ABCF2: variants seen among roughly 807,000 people sequenced by gnomAD.
ABCF2 encodes ATP-binding cassette sub-family F member 2.
ABCF2 carries 37 observed loss-of-function variants against 76.9 expected under a neutral mutation model. The ratio of observed to expected loss-of-function variants is 0.48; its 90% CI spans 0.37 to 0.63. The LOEUF (loss-of-function observed/expected upper bound fraction) is 0.63. Among genes scored for constraint, ABCF2 ranks in the 30% least tolerant of loss-of-function variants. The probability of loss-of-function intolerance (pLI) is 0.00; values close to 1 mark genes in which losing one functional copy is unlikely to be tolerated. For synonymous variants in ABCF2, 299 were observed against 283.7 expected, an observed-to-expected ratio of 1.05 and a Z score of -0.54; for missense variants, 524 against 782.1, an observed-to-expected ratio of 0.67 and a Z score of 3.94.
chr7:151,218,302 T>G (rs544414717), intron 10 of ABCF2, 111 bp from the exon 11 acceptor site: 293 of 817,118 alleles, frequency 3.6e-4, no homozygotes, highest in Middle Eastern at 1.5e-3. Flanking sequence ...GAAGGGAGAG[T>G]AGCGGGAGGA....
chr7:151,213,834 G>C lies in ABCF2; in HGVS notation c.*220C>G. 1 of 1,388,658 alleles carries C rather than the reference G, an allele frequency of 7.2e-7. No individual in the cohort carries two copies. The highest frequency in any genetic ancestry group is 9.3e-7 in the Non-Finnish European group (1 of 1,076,652). 86.0% of individuals were successfully genotyped at this position (1,388,658 alleles called of 1,614,324 possible). ...GGAACGGCCAGCCGAGTCCAGACAT[G>C]GACAGATGTAACTGGAAGGAGGACA... On this transcript the variant is annotated 3_prime_UTR_variant, in exon 15 of 15. Coordinates refer to ENST00000287844, the MANE Select transcript of ABCF2 (RefSeq NM_007189.3).
Position 151,213,365 on chromosome 7 carries a change from G to A in ABCF2, c.*689C>T, listed in dbSNP as rs1243896268. 1 of 985,360 alleles carries A rather than the reference G, an allele frequency of 1.0e-6. No homozygotes were observed. The highest frequency in any genetic ancestry group is 1.2e-6 in the Non-Finnish European group (1 of 829,922). 61.0% of individuals were successfully genotyped at this position (985,360 alleles called of 1,614,324 possible). A position where few individuals can be genotyped will look rare whatever the true frequency, so the allele number is the denominator to read the frequency against. On this transcript the variant is annotated 3_prime_UTR_variant, in exon 15 of 15. Transcript: ENST00000287844. ...GTACAATTTCAAATCAGAAGTAAAGGGACAAAGTTCTTCCAGCTCCTATGG... is the reference window on the plus strand; with the variant it reads ...GTACAATTTCAAATCAGAAGTAAAGAGACAAAGTTCTTCCAGCTCCTATGG...
chr7:151,215,973 G>A lies in ABCF2; in HGVS notation c.1395C>T (p.Tyr465=), dbSNP rs1802142865. Residue 465 remains tyrosine, a synonymous_variant, in exon 12 of 15, where the codon TAC becomes TAT. Coordinates refer to ENST00000287844, the MANE Select transcript of ABCF2 (RefSeq NM_007189.3). This position sits in a 1 kb window ranked among gnomAD's most constrained non-coding sequence, Gnocchi z 4.6. ...RKHSHVKIGR[Y]HQHLQEQLDL... ...CCCAACCCCAGGCCTGTACCTGATG[G>A]TAACGCCCTATCTTGACATGAGAGT... 6.2e-7 allele frequency: 1 copy of A among 1,614,144 alleles called. No individual in the cohort carries two copies. The highest frequency in any genetic ancestry group is 1.3e-5 in the African/African-American group (1 of 75,046).
rs767247986 is a variant in ABCF2 at position 151,214,037 on chromosome 7, G to C, written c.*17C>G. The C allele has an allele frequency of 6.2e-7, 1 of 1,611,812 alleles. No homozygotes were observed. On this transcript the variant is annotated 3_prime_UTR_variant, in exon 15 of 15. Transcript: ENST00000287844. This position sits in a 1 kb window ranked among gnomAD's most constrained non-coding sequence, Gnocchi z 4.9. ...AGTTCCCAGATGGAGCTCCTGACCCGAACCCAGGTAGAGGGCTCACACGTT... is the reference window on the plus strand; with the variant it reads ...AGTTCCCAGATGGAGCTCCTGACCCCAACCCAGGTAGAGGGCTCACACGTT...
intron 10 of ABCF2, 35 bp downstream of exon 10, chr7:151,218,526 A>G: frequency 6.3e-7 from 1 of 1,575,260 alleles, no homozygotes. Context: ...ACCCTAAGAT[A>G]CACCCCAGCC....
At chr7:151,219,269 C>G in intron 7 of ABCF2, 110 bp from the exon 8 acceptor site, 1 of 890,850 alleles carries the variant, frequency 1.1e-6, no homozygotes, top group Non-Finnish European at 1.9e-6. Flanking sequence ...GGCCCTGGCT[C>G]TAAGGCTGTG....
At chr7:151,216,308 C>T (rs147408154) in intron 11 of ABCF2, among the ~76,000 whole-genome samples, 2,730 of 152,270 alleles carry the variant, frequency 0.018, 40 homozygotes, top group Admixed American at 0.034. Flanking sequence ...GATGTAGGTG[C>T]AACATACATT....
At chr7:151,221,892 C>T in intron 6 of ABCF2, 1 of 504,850 alleles carries the variant, frequency 2.0e-6, no homozygotes, top group South Asian at 2.2e-5. Flanking sequence ...GCCTGAGTTT[C>T]CTCAATCTTC....
chr7:151,213,898 T>G lies in ABCF2; in HGVS notation c.*156A>C, dbSNP rs1307336055. ...TACTGTCCAGCTGTAGGTAAGAGAG[T>G]GCAGCTAAGGCAGGTTGAGGGGCAG... On this transcript the variant is annotated 3_prime_UTR_variant, in exon 15 of 15. Coordinates refer to ENST00000287844, the MANE Select transcript of ABCF2 (RefSeq NM_007189.3). The G allele has an allele frequency of 6.9e-7, 1 of 1,452,116 alleles. No individual in the cohort carries two copies. The highest frequency in any genetic ancestry group is 9.0e-7 in the Non-Finnish European group (1 of 1,110,438). 90.0% of individuals were successfully genotyped at this position (1,452,116 alleles called of 1,614,324 possible).
In ABCF2 at chr7:151,212,155, G is replaced by A. The variant is rs1802058784; in HGVS notation, c.*1899C>T. The A allele has an allele frequency of 7.1e-6, 7 of 985,334 alleles. No individual in the cohort carries two copies. Among genetic ancestry groups the A allele is most frequent in the Non-Finnish European group, 8.4e-6 (7 of 829,936 alleles). 61.0% of individuals were successfully genotyped at this position (985,334 alleles called of 1,614,324 possible). On this transcript the variant is annotated 3_prime_UTR_variant, in exon 15 of 15. Transcript: ENST00000287844. ...CCATCTGGGACAGTTGCTCCCGCCA[G>A]TCCTGGCTGTATTATGAGTACTGAA...
rs1220698753 is a variant in ABCF2 at position 151,213,544 on chromosome 7, T to C, written c.*510A>G. 1 of 986,060 alleles carries C rather than the reference T, an allele frequency of 1.0e-6. No homozygotes were observed. Among genetic ancestry groups the C allele is most frequent in the Non-Finnish European group, 1.2e-6 (1 of 830,496 alleles). The allele number at this position is 986,060 out of a possible 1,614,324, so 61.1% of individuals were successfully genotyped here. Reference sequence around the variant, plus strand: ...CTTTCTTTATTGGGCGCTTTGTAGATGTCACGCAGGTCTAAAAGTTACACT... The same window carrying C: ...CTTTCTTTATTGGGCGCTTTGTAGACGTCACGCAGGTCTAAAAGTTACACT... On this transcript the variant is annotated 3_prime_UTR_variant, in exon 15 of 15. Transcript: ENST00000287844.
rs1467137950 is a variant in ABCF2 at position 151,214,730 on chromosome 7, TAAG to T, written c.1734+146_1734+148del. 2 of 702,376 alleles carry T rather than the reference TAAG, an allele frequency of 2.8e-6. No individual in the cohort carries two copies. The highest frequency in any genetic ancestry group is 4.7e-6 in the Non-Finnish European group (2 of 421,692). 43.5% of individuals were successfully genotyped at this position (702,376 alleles called of 1,614,324 possible). A position where few individuals can be genotyped will look rare whatever the true frequency, so the allele number is the denominator to read the frequency against. On this transcript the variant is annotated intron_variant, in intron 14 of 14. Coordinates refer to ENST00000287844, the MANE Select transcript of ABCF2 (RefSeq NM_007189.3). This position sits in a 1 kb window ranked among gnomAD's most constrained non-coding sequence, Gnocchi z 4.9. ...CTTTCTAAGTAGCCCCAAAGAGGCA[TAAG>T]AACTGGTCCTCACCACCTGTGTCTA...
chr7:151,215,305 T>G lies in ABCF2; in HGVS notation c.1531-223A>C, dbSNP rs991957245. The stretch of plus-strand genomic sequence containing the variant: ...CACCTCTCGCTCTCTTGGCAATGAA[T>G]TGGATCCTTCCAGATCTGAATCCAG... On this transcript the variant is annotated intron_variant, in intron 13 of 14. Coordinates refer to ENST00000287844, the MANE Select transcript of ABCF2 (RefSeq NM_007189.3). The surrounding 1 kb of genome is among the most constrained non-coding windows in gnomAD (Gnocchi z 4.6). Among the ~76,000 whole-genome samples the G allele has an allele frequency of 3.9e-5, 6 of 152,196 alleles. No homozygotes were observed. The highest frequency in any genetic ancestry group is 1.2e-4 in the African/African-American group (5 of 41,454).
Position 151,211,836 on chromosome 7 carries a change from T to G in ABCF2, c.*2218A>C. ...GCATAAAGCAGTCAAGCCAGTACCCTCTGGGGTCAGAGGACTCCCATCTGT... is the reference window on the plus strand; with the variant it reads ...GCATAAAGCAGTCAAGCCAGTACCCGCTGGGGTCAGAGGACTCCCATCTGT... On this transcript the variant is annotated 3_prime_UTR_variant, in exon 15 of 15. Transcript: ENST00000287844. The G allele has an allele frequency of 2.0e-6, 2 of 985,412 alleles. No homozygotes were observed. The highest frequency in any genetic ancestry group is 2.4e-6 in the Non-Finnish European group (2 of 829,926). The allele number at this position is 985,412 out of a possible 1,614,324, so 61.0% of individuals were successfully genotyped here.
rs777696016 is a variant in ABCF2, at chr7:151,223,711, C to T, written c.689G>A (p.Ser230Asn). The T allele has an allele frequency of 1.9e-6, 3 of 1,609,058 alleles. No homozygotes were observed. The highest frequency in any genetic ancestry group is 1.3e-5 in the African/African-American group (1 of 74,966). Reference protein sequence around the residue: ...AMQRKKLKDFSGGWRMRVALA... With the variant: ...AMQRKKLKDFNGGWRMRVALA... ...GGCAACCCTCATCCTCCAGCCCCCA[C>T]TGAAGTCTTTTAGCTTCTTGCGCTG... The change falls in exon 5 of 15, where the codon AGT becomes AAT. Residue 230 changes from serine (S) to asparagine (N), a missense_variant. Transcript: ENST00000287844.
rs1438952105 is a variant in ABCF2 at position 151,212,426 on chromosome 7, A to T, written c.*1628T>A. The T allele has an allele frequency of 5.1e-6, 5 of 985,346 alleles. No individual in the cohort carries two copies. In the African/African-American group the frequency reaches 7.0e-5, roughly 14 times the overall value. The allele number at this position is 985,346 out of a possible 1,614,324, so 61.0% of individuals were successfully genotyped here. On this transcript the variant is annotated 3_prime_UTR_variant, in exon 15 of 15. Coordinates refer to ENST00000287844, the MANE Select transcript of ABCF2 (RefSeq NM_007189.3). The stretch of plus-strand genomic sequence containing the variant: ...TCACAGACGTTGGTGTGAAAATGCA[A>T]ACTCCTGGCCATCTCTGCACCTCTC...
rs1353275875 is a variant in ABCF2, at chr7:151,215,600, T to C, written c.1530+4A>G. 2 of 1,614,020 alleles carry C rather than the reference T, an allele frequency of 1.2e-6. No individual in the cohort carries two copies. The highest frequency in any genetic ancestry group is 1.7e-6 in the Non-Finnish European group (2 of 1,179,938). ...GCATCCTCACCACACCCTCCTTTAC[T>C]GACCTGTTGTTTCCCAGTGAGACCG... is the stretch of plus-strand genomic sequence containing the variant. On this transcript the variant is annotated splice_donor_region_variant and intron_variant, in intron 13 of 14. Transcript: ENST00000287844. This position sits in a 1 kb window ranked among gnomAD's most constrained non-coding sequence, Gnocchi z 4.6.
chr7:151,223,836 C>T lies in ABCF2; in HGVS notation c.564G>A (p.Lys188=), dbSNP rs372162444. Residue 188 remains lysine, a synonymous_variant, in exon 5 of 15, where the codon AAG becomes AAA. Coordinates refer to ENST00000287844, the MANE Select transcript of ABCF2 (RefSeq NM_007189.3). ...CCAGGCGCTCGTAGAGCTCCATGAGCTTCTCACACTCCGCTGTGGACAGTG... is the reference window on the plus strand; with the variant it reads ...CCAGGCGCTCGTAGAGCTCCATGAGTTTCTCACACTCCGCTGTGGACAGTG... ...RLAHEDAECE[K]LMELYERLEE... 3.7e-6 allele frequency: 6 copies of T among 1,613,084 alleles called. No individual in the cohort carries two copies. In the African/African-American group the frequency reaches 6.7e-5, roughly 18 times the overall value.
chr7:151,220,865 G>A (rs1802252963), intron 7 of ABCF2, among the ~76,000 whole-genome samples: 1 of 152,242 alleles, frequency 6.6e-6, no homozygotes, highest in Non-Finnish European at 1.5e-5. Flanking sequence ...GTGCATGCCT[G>A]TAGTCCCAGC....
Sources: allele counts gnomAD v4.1 joint callset (sites outside exome capture counted in the v4.1 genomes callset), GRCh38; gene constraint gnomAD v4.1.1; non-coding constraint Gnocchi (gnomAD v3.1); transcripts MANE v1.5; gene names NCBI Gene and HGNC (gene_info 2026-07-23, HGNC 2026-07-21).